The following XPO4 variants were observed in gnomAD, a reference collection of about 807,000 sequenced individuals.
The protein encoded by XPO4 is exportin 4, also known as exportin-4.
XPO4 carries 39 observed loss-of-function variants against 143.0 expected under a neutral mutation model. That is an observed-to-expected ratio of 0.27 (90% CI 0.21 to 0.36). XPO4 has a LOEUF of 0.36. XPO4 is among the 10% of genes least tolerant of loss of function. The pLI, the probability that XPO4 is intolerant of heterozygous loss-of-function variation, is 1.00. For synonymous variants in XPO4, 439 were observed against 474.0 expected, an observed-to-expected ratio of 0.93 and a Z score of 0.96; for missense variants, 907 against 1,348.0, an observed-to-expected ratio of 0.67 and a Z score of 5.12.
intron 2 of XPO4, chr13:20,865,329 G>A (rs181189347): frequency 3.2e-4 from 89 of 280,652 alleles, no homozygotes; most frequent in Non-Finnish European, 3.7e-4. Context: ...TAGAGACAGG[G>A]TTTTTCCATG....
chr13:20,850,346 T>C (rs2060071527), intron 4 of XPO4: 1 of 894,270 alleles, frequency 1.1e-6, no homozygotes, highest in African/African-American at 1.8e-5. Flanking sequence ...AGAAGTTAAT[T>C]TAAGTTAGGT....
rs773019658 is a variant in XPO4, at chr13:20,790,562, T to A, written c.2816A>T (p.His939Leu). Residue 939 changes from histidine to leucine, a missense_variant, in exon 19 of 23, where the codon CAT (histidine) becomes CTT (leucine). Physicochemically the swap from His to Leu is moderately conservative, Grantham distance 99. Coordinates refer to ENST00000255305, the MANE Select transcript of XPO4 (RefSeq NM_022459.5). Reference sequence around the variant, plus strand: ...TCTGTTTGCTGCTTGACCTGGCTCATGTCCTCTAAACACTTCATCTATTAA... The same window carrying A: ...TCTGTTTGCTGCTTGACCTGGCTCAAGTCCTCTAAACACTTCATCTATTAA... Reference protein sequence around the residue: ...FSDTDEVFRGHEPGQAANRSV... With the variant: ...FSDTDEVFRGLEPGQAANRSV... The A allele has an allele frequency of 2.5e-6, 4 of 1,614,130 alleles. No individual in the cohort carries two copies. The highest frequency in any genetic ancestry group is 1.6e-4 in the Middle Eastern group (1 of 6,062).
rs1251545187 is a variant in XPO4, at chr13:20,787,009, T to C, written c.3214A>G (p.Thr1072Ala). 7 of 1,567,346 alleles carry C rather than the reference T, an allele frequency of 4.5e-6. No individual in the cohort carries two copies. The highest frequency in any genetic ancestry group is 6.1e-6 in the Non-Finnish European group (7 of 1,153,182). Residue 1072 changes from threonine (T) to alanine (A), a missense_variant, in exon 22 of 23, where the codon ACT becomes GCT. By Grantham distance (58) the Thr-to-Ala change is moderately conservative (BLOSUM62 0). Transcript: ENST00000255305. ...VLQKHNTEMT[T>A]AAGEAFYTLV... is the part of the protein sequence containing the mutation. ...GTGTAGAAAGCTTCGCCAGCCGCAGTGGTCATCTCTGTGTTGTGCTTTTGC... is the reference window on the plus strand; with the variant it reads ...GTGTAGAAAGCTTCGCCAGCCGCAGCGGTCATCTCTGTGTTGTGCTTTTGC...
intron 6 of XPO4, among the ~76,000 whole-genome samples, chr13:20,839,444 G>A (rs928062536): frequency 2.0e-5 from 3 of 152,138 alleles, no homozygotes; most frequent in African/African-American, 7.2e-5. Flanking sequence ...TAAAACTACT[G>A]ACAATTATTG....
At chr13:20,854,796 G>A (rs951965952) in intron 4 of XPO4, among the ~76,000 whole-genome samples, 3 of 152,194 alleles carry the variant, frequency 2.0e-5, no homozygotes, top group Admixed American at 2.0e-4. Context: ...GTGGACAGGA[G>A]AGTGGAGAGG....
At chr13:20,900,447 T>C (rs770204751) in intron 1 of XPO4, among the ~76,000 whole-genome samples, 5 of 152,078 alleles carry the variant, frequency 3.3e-5, no homozygotes, top group East Asian at 1.9e-4. Flanking sequence ...AAAAGTAATA[T>C]ATGTAAAGGG....
rs529942057 is a variant in XPO4 at position 20,804,910 on chromosome 13, T to C, written c.1817+2547A>G. 1.1e-4 allele frequency among the ~76,000 whole-genome samples: 17 copies of C among 152,016 alleles called. No homozygotes were observed. The South Asian group carries it at 3.5e-3, about 32-fold the overall frequency. On this transcript the variant is annotated intron_variant, in intron 13 of 22. Coordinates refer to ENST00000255305, the MANE Select transcript of XPO4 (RefSeq NM_022459.5). ...ACTACAATTTGTCTCCTAACTGGTC[T>C]CCTGGCTTCCATCATTTACTCTCGG...
chr13:20,852,732 A>T (rs1402201859), intron 4 of XPO4: 2 of 980,070 alleles, frequency 2.0e-6, no homozygotes, highest in African/African-American at 3.5e-5. Flanking sequence ...TTATATACAT[A>T]TATTAAAAAA....
At chr13:20,820,251 C>G (rs1183330865) in intron 9 of XPO4, among the ~76,000 whole-genome samples, 1 of 152,220 alleles carries the variant, frequency 6.6e-6, no homozygotes, top group African/African-American at 2.4e-5. Context: ...TCCAACACTC[C>G]TATGTCAAAT....
chr13:20,842,370 T>C (rs1258483968), intron 6 of XPO4, among the ~76,000 whole-genome samples: 1 of 152,200 alleles, frequency 6.6e-6, no homozygotes, highest in African/African-American at 2.4e-5. Flanking sequence ...CCACTTAAAC[T>C]TTTGAATAAT....
intron 2 of XPO4, among the ~76,000 whole-genome samples, chr13:20,866,656 C>T (rs1198012764): frequency 1.3e-5 from 2 of 152,166 alleles, no homozygotes; most frequent in Non-Finnish European, 2.9e-5. Flanking sequence ...ACATGCACTC[C>T]ACCTTTTAAA....
At chr13:20,848,777 T>A in intron 4 of XPO4, 1 of 985,300 alleles carries the variant, frequency 1.0e-6, no homozygotes, top group Non-Finnish European at 1.2e-6. Flanking sequence ...AAATAAATGA[T>A]GTGTTCCCTA....
intron 16 of XPO4, among the ~76,000 whole-genome samples, chr13:20,797,415 C>T (rs2059373355): frequency 6.6e-6 from 1 of 152,176 alleles, no homozygotes; most frequent in African/African-American, 2.4e-5. Context: ...CCGACCTCTA[C>T]AGAGTGAAGC....
chr13:20,819,665 A>C (rs577872733), intron 9 of XPO4, among the ~76,000 whole-genome samples: 1 of 152,174 alleles, frequency 6.6e-6, no homozygotes, highest in African/African-American at 2.4e-5. Flanking sequence ...ATCTCAAAAA[A>C]AAAAAGATCA....
chr13:20,788,712 T>C, intron 19 of XPO4, 96 bp from the exon 20 acceptor site: 1 of 1,198,664 alleles, frequency 8.3e-7, no homozygotes, highest in South Asian at 1.7e-5. Flanking sequence ...AGCTTCTAAA[T>C]ATAATGATTT....
At chr13:20,854,450 A>T (rs2060121782) in intron 4 of XPO4, among the ~76,000 whole-genome samples, 1 of 152,232 alleles carries the variant, frequency 6.6e-6, no homozygotes, top group African/African-American at 2.4e-5. Flanking sequence ...TTAAAATCAC[A>T]TCCATTAACT....
intron 8 of XPO4, 79 bp downstream of exon 8, chr13:20,822,053 A>G: frequency 6.7e-7 from 1 of 1,487,880 alleles, no homozygotes. Flanking sequence ...GGAAAAAATA[A>G]CTAGTTTCTT....
chr13:20,892,574 A>G lies in XPO4; in HGVS notation c.69+10096T>C, dbSNP rs554852500. ...GTACTAGACACACATAATCAAGGAA[A>G]AGCAAACAGGGTCCCTGAACAAATA... On this transcript the variant is annotated intron_variant, in intron 1 of 22. Coordinates refer to ENST00000255305, the MANE Select transcript of XPO4 (RefSeq NM_022459.5). 5.3e-5 allele frequency among the ~76,000 whole-genome samples: 8 copies of G among 152,308 alleles called. No individual in the cohort carries two copies. The South Asian group carries it at 8.3e-4, about 16-fold the overall frequency.
At chr13:20,840,187 G>T (rs2251031) in intron 6 of XPO4, among the ~76,000 whole-genome samples, 33,493 of 151,622 alleles carry the variant, frequency 0.22, 5,463 homozygotes, top group East Asian at 0.8. Context: ...TATCCTAAGA[G>T]ACAAATCACC....
Sources: allele counts gnomAD v4.1 joint callset (sites outside exome capture counted in the v4.1 genomes callset), GRCh38; gene constraint gnomAD v4.1.1; transcripts MANE v1.5; gene names NCBI Gene and HGNC (gene_info 2026-07-23, HGNC 2026-07-21).